ZCCHC2: variants seen among roughly 807,000 people sequenced by gnomAD.
ZCCHC2 encodes the protein zinc finger CCHC domain-containing protein 2.
ZCCHC2 carries 39 observed loss-of-function variants against 103.6 expected under a neutral mutation model. That is an observed-to-expected ratio of 0.38 (90% CI 0.29 to 0.49). The LOEUF (loss-of-function observed/expected upper bound fraction) is 0.49. ZCCHC2 is among the 20% of genes least tolerant of loss of function. ZCCHC2 has a pLI of 0.96. For synonymous variants in ZCCHC2, 687 were observed against 608.9 expected (o/e 1.13, Z -1.89); for missense variants, 1,483 against 1,491.0 (o/e 0.99, Z 0.09).
intron 4 of ZCCHC2, among the ~76,000 whole-genome samples, chr18:62,547,437 AGTGTG>A (rs2145503535): frequency 6.6e-6 from 1 of 151,636 alleles, no homozygotes; most frequent in East Asian, 1.9e-4. Context: ...AGCTTGCTGT[AGTGTG>A]GAAATATGAG....
At position 62,576,772 on chromosome 18, in the gene ZCCHC2, G is replaced by T; in HGVS notation, c.*193G>T. ...AATGCTTTTGAGCCTCTGGTCTCCT[G>T]GTTCAACAACAGGCTTATATGTATG... On this transcript the variant is annotated 3_prime_UTR_variant, in exon 14 of 14. Coordinates refer to ENST00000269499, the MANE Select transcript of ZCCHC2 (RefSeq NM_017742.6). 1.8e-6 allele frequency: 1 copy of T among 541,876 alleles called. No individual in the cohort carries two copies. 33.6% of individuals were successfully genotyped at this position (541,876 alleles called of 1,614,324 possible).
At chr18:62,563,208 T>A in intron 9 of ZCCHC2, 64 bp downstream of exon 9, 2 of 1,541,986 alleles carry the variant, frequency 1.3e-6, no homozygotes, top group Non-Finnish European at 1.8e-6. Context: ...AGAAAAAAAT[T>A]AAGTTCTGTA....
intron 11 of ZCCHC2, among the ~76,000 whole-genome samples, chr18:62,565,411 TGGGAGA>T (rs1916318468): frequency 6.6e-6 from 1 of 152,164 alleles, no homozygotes; most frequent in Admixed American, 6.5e-5. Context: ...CCCAAGGCCA[TGGGAGA>T]TCTCTCCTGT....
intron 1 of ZCCHC2, among the ~76,000 whole-genome samples, chr18:62,525,700 A>G (rs984308302): frequency 6.6e-6 from 1 of 151,840 alleles, no homozygotes; most frequent in African/African-American, 2.4e-5. Context: ...TTTGGGACGT[A>G]TTTTATCAAA....
chr18:62,559,900 A>G (rs1302619569), intron 7 of ZCCHC2, among the ~76,000 whole-genome samples: 1 of 152,242 alleles, frequency 6.6e-6, no homozygotes, highest in Non-Finnish European at 1.5e-5. Flanking sequence ...AATACAGCAT[A>G]ACAACTATTT....
At chr18:62,567,873 A>AG (rs1256487949) in intron 11 of ZCCHC2, among the ~76,000 whole-genome samples, 1 of 143,380 alleles carries the variant, frequency 7.0e-6, no homozygotes, top group Non-Finnish European at 1.5e-5. Context: ...TGAACCCGGG[A>AG]GGTGGAGGTT....
In ZCCHC2 at chr18:62,576,615, G is replaced by GT; in HGVS notation, c.*37dup. ...GCTTGCCTACTTAATACACTCAAGT[G>GT]TGGGGAGTCATGGGGTGTGGAGGGG... is the stretch of plus-strand genomic sequence containing the variant. On this transcript the variant is annotated 3_prime_UTR_variant, in exon 14 of 14. Coordinates refer to ENST00000269499, the MANE Select transcript of ZCCHC2 (RefSeq NM_017742.6). 1.3e-6 allele frequency: 2 copies of GT among 1,592,890 alleles called. No individual in the cohort carries two copies. The highest frequency in any genetic ancestry group is 1.7e-4 in the Middle Eastern group (1 of 6,028).
chr18:62,545,329 A>G (rs1915366031), intron 4 of ZCCHC2, among the ~76,000 whole-genome samples: 1 of 152,078 alleles, frequency 6.6e-6, no homozygotes, highest in South Asian at 2.1e-4. Context: ...GCAGAACCAG[A>G]TGAGGCTTGC....
In ZCCHC2 at chr18:62,523,925, C is replaced by T; in HGVS notation, c.501C>T (p.Pro167=). Residue 167 remains proline (P), a synonymous_variant, in exon 1 of 14, where the codon CCC becomes CCT. Transcript: ENST00000269499. ...DPGPLADFRE[P]AVRSRLIVYL... is the part of the protein sequence containing the mutation. ...GGCCGCTGGCCGACTTCCGAGAGCC[C>T]GCGGTGCGCTCGCGCCTCATCGTCT... 1 of 1,531,870 alleles carries T rather than the reference C, an allele frequency of 6.5e-7. No individual in the cohort carries two copies. Among genetic ancestry groups the T allele is most frequent in the East Asian group, 2.5e-5 (1 of 40,102 alleles). 94.9% of individuals were successfully genotyped at this position (1,531,870 alleles called of 1,614,324 possible). A position where few individuals can be genotyped will look rare whatever the true frequency, so the allele number is the denominator to read the frequency against.
rs114601722 is a variant in ZCCHC2, at chr18:62,573,573, A to G, written c.1976-484A>G. Among the ~76,000 whole-genome samples, 567 of 152,360 alleles carry G rather than the reference A, an allele frequency of 3.7e-3. 2 individuals are homozygous for G. The highest frequency in any genetic ancestry group is 0.013 in the African/African-American group (533 of 41,580). ...ATTCCATTCTAAAAAAAACAACAAC[A>G]ACAACAAAAGAAAACTCTTCTGTTC... On this transcript the variant is annotated intron_variant, in intron 12 of 13. Coordinates refer to ENST00000269499, the MANE Select transcript of ZCCHC2 (RefSeq NM_017742.6).
chr18:62,542,483 T>TG lies in ZCCHC2; in HGVS notation c.1052-15_1052-14insG. 1 of 1,550,068 alleles carries TG rather than the reference T, an allele frequency of 6.5e-7. No homozygotes were observed. Among genetic ancestry groups the TG allele is most frequent in the Non-Finnish European group, 8.7e-7 (1 of 1,144,986 alleles). On this transcript the variant is annotated splice_polypyrimidine_tract_variant and intron_variant, in intron 2 of 13. Transcript: ENST00000269499. ...TCTTTGTAGCACAAGTCACCGTGTG[T>TG]TTTTTTTCTTTCAGCTGTACACATT... is the stretch of plus-strand genomic sequence containing the variant.
chr18:62,547,368 GA>G (rs1390240327), intron 4 of ZCCHC2, among the ~76,000 whole-genome samples: 1 of 151,272 alleles, frequency 6.6e-6, no homozygotes, highest in African/African-American at 2.4e-5. Context: ...CTGTCCTTTG[GA>G]CGATGTGTCC....
intron 9 of ZCCHC2, among the ~76,000 whole-genome samples, chr18:62,564,119 A>G (rs1916240670): frequency 6.6e-6 from 1 of 152,176 alleles, no homozygotes; most frequent in Non-Finnish European, 1.5e-5. Flanking sequence ...GAGAAATTAT[A>G]AATAGTTTTA....
chr18:62,536,398 G>A (rs1017336549), intron 1 of ZCCHC2, among the ~76,000 whole-genome samples: 3 of 152,124 alleles, frequency 2.0e-5, no homozygotes, highest in East Asian at 1.9e-4. Context: ...CACTTTTCTC[G>A]TGGTCCTGAC....
rs1469731804 is a variant in ZCCHC2 at position 62,523,581 on chromosome 18, C to T, written c.157C>T (p.Pro53Ser). Residue 53 changes from proline (P) to serine (S), a missense_variant, in exon 1 of 14, where the codon CCG becomes TCG. Pro to Ser is a moderately conservative substitution (Grantham distance 74). Around this residue, in one of 3 missense-constraint regions of ZCCHC2, gnomAD observed 568 missense variants for 525.1 expected, o/e 1.08. Transcript: ENST00000269499. ...PPPPPPPPAG[P>S]SRGPLPPPPP... Reference sequence around the variant, plus strand: ...GCCGCCGCCGCCGCCGCCCGCGGGCCCGTCGCGGGGCCCTCTGCCGCCGCC... The same window carrying T: ...GCCGCCGCCGCCGCCGCCCGCGGGCTCGTCGCGGGGCCCTCTGCCGCCGCC... 4.1e-6 allele frequency: 4 copies of T among 966,440 alleles called. No homozygotes were observed. In the East Asian group the frequency reaches 4.6e-4, roughly 112 times the overall value. 59.9% of individuals were successfully genotyped at this position (966,440 alleles called of 1,614,324 possible).
rs1399446965 is a variant in ZCCHC2 at position 62,524,093 on chromosome 18, G to A, written c.669G>A (p.Glu223=). The change falls in exon 1 of 14, where the codon GAG becomes GAA. Residue 223 remains glutamate, a synonymous_variant. Coordinates refer to ENST00000269499, the MANE Select transcript of ZCCHC2 (RefSeq NM_017742.6). ...SRGGAEDERG[E]DGDGEQDAEK... The stretch of plus-strand genomic sequence containing the variant: ...GCGGCGCGGAGGACGAGCGCGGCGA[G>A]GACGGCGACGGCGAGCAGGACGCCG... The A allele has an allele frequency of 2.0e-6, 3 of 1,517,594 alleles. No individual in the cohort carries two copies. Among genetic ancestry groups the A allele is most frequent in the Non-Finnish European group, 2.6e-6 (3 of 1,138,644 alleles). The allele number at this position is 1,517,594 out of a possible 1,614,324, so 94.0% of individuals were successfully genotyped here.
At chr18:62,543,360 A>G (rs1003430919) in intron 3 of ZCCHC2, among the ~76,000 whole-genome samples, 7 of 152,092 alleles carry the variant, frequency 4.6e-5, no homozygotes, top group African/African-American at 1.7e-4. Flanking sequence ...AGATATTCTC[A>G]TGGAGAGCAG....
intron 5 of ZCCHC2, among the ~76,000 whole-genome samples, chr18:62,555,032 C>G (rs956210585): frequency 6.6e-6 from 1 of 152,098 alleles, no homozygotes; most frequent in African/African-American, 2.4e-5. Context: ...GTGTTCAAAA[C>G]TAATAGAATG....
downstream of ZCCHC2, among the ~76,000 whole-genome samples, chr18:62,583,125 A>T (rs530948786): frequency 2.0e-5 from 3 of 152,156 alleles, no homozygotes; most frequent in South Asian, 6.2e-4. Flanking sequence ...AAAAGGGAAG[A>T]TGTGGACGAG....
Sources: allele counts gnomAD v4.1 joint callset (sites outside exome capture counted in the v4.1 genomes callset), GRCh38; gene constraint gnomAD v4.1.1; regional missense constraint gnomAD v4.1.1; transcripts MANE v1.5; gene names NCBI Gene and HGNC (gene_info 2026-07-23, HGNC 2026-07-21).